Variants in SORCS3 observed in about 807,000 individuals in gnomAD.
The protein encoded by SORCS3 is VPS10 domain-containing receptor SorCS3.
A neutral mutation model predicts 146.3 loss-of-function variants in SORCS3; 57 were observed. The observed-to-expected ratio is 0.39, with a 90% CI of 0.31 to 0.49. The LOEUF is 0.49. Among genes scored for constraint, SORCS3 ranks in the 20% least tolerant of loss-of-function variants. The pLI, the probability that SORCS3 is intolerant of heterozygous loss-of-function variation, is 0.92. For missense variants in SORCS3, 1,341 were observed against 1,575.5 expected, an observed-to-expected ratio of 0.85 and a Z score of 2.52; for synonymous variants, 653 against 618.5, an observed-to-expected ratio of 1.06 and a Z score of -0.83.
At chr10:104,812,435 A>G (rs1389546217) in intron 1 of SORCS3, among the ~76,000 whole-genome samples, 1 of 152,234 alleles carries the variant, frequency 6.6e-6, no homozygotes, top group Non-Finnish European at 1.5e-5. Flanking sequence ...GTATTATTTC[A>G]GTTAAAGCAA....
At chr10:105,253,892 C>T (rs555372253) in intron 23 of SORCS3, among the ~76,000 whole-genome samples, 11 of 152,178 alleles carry the variant, frequency 7.2e-5, no homozygotes, top group East Asian at 1.9e-4. Flanking sequence ...TTTTACAAGA[C>T]CTCTTTATTC....
chr10:104,918,883 G>T (rs907020939), intron 3 of SORCS3, among the ~76,000 whole-genome samples: 1 of 152,230 alleles, frequency 6.6e-6, no homozygotes, highest in Non-Finnish European at 1.5e-5. Context: ...TAAGTGGCTC[G>T]TGAAGGTTTG....
At chr10:104,650,092 G>A (rs1408134214) in intron 1 of SORCS3, among the ~76,000 whole-genome samples, 1 of 152,158 alleles carries the variant, frequency 6.6e-6, no homozygotes, top group Admixed American at 6.5e-5. Flanking sequence ...TGTGAAATGG[G>A]CATATCACAT....
At chr10:104,755,059 G>A (rs1308162538) in intron 1 of SORCS3, among the ~76,000 whole-genome samples, 2 of 152,172 alleles carry the variant, frequency 1.3e-5, no homozygotes, top group African/African-American at 4.8e-5. Context: ...TGCATTACCG[G>A]TGAATTCCTT....
chr10:104,996,951 T>G (rs536143987), intron 4 of SORCS3, among the ~76,000 whole-genome samples: 2 of 152,222 alleles, frequency 1.3e-5, no homozygotes, highest in Admixed American at 6.5e-5. Flanking sequence ...GTGTGGATGT[T>G]GAGAAGAGTG....
At chr10:104,924,835 A>AT (rs1175903115) in intron 3 of SORCS3, among the ~76,000 whole-genome samples, 2 of 152,110 alleles carry the variant, frequency 1.3e-5, no homozygotes, top group South Asian at 2.1e-4. Flanking sequence ...GGTTGTTAGC[A>AT]TTTTTTTATG....
At chr10:105,179,299 C>T (rs968829524) in intron 14 of SORCS3, among the ~76,000 whole-genome samples, 1 of 152,146 alleles carries the variant, frequency 6.6e-6, no homozygotes, top group African/African-American at 2.4e-5. Flanking sequence ...TTCATCTAAT[C>T]TTAAATGGTA....
chr10:104,901,494 G>A (rs1243029738), intron 2 of SORCS3, among the ~76,000 whole-genome samples: 7 of 152,104 alleles, frequency 4.6e-5, no homozygotes, highest in Admixed American at 4.6e-4. Context: ...ATGTATCAGG[G>A]AGTGTGCACT....
intron 1 of SORCS3, among the ~76,000 whole-genome samples, chr10:104,752,690 G>A (rs775582393): frequency 6.6e-6 from 1 of 152,114 alleles, no homozygotes; most frequent in African/African-American, 2.4e-5. Context: ...ATCAGCGCTT[G>A]ATTCCTTTAA....
Position 105,147,776 on chromosome 10 carries a change from A to G in SORCS3, c.1462A>G (p.Ile488Val), listed in dbSNP as rs1042976962. Residue 488 changes from isoleucine (I) to valine (V), a missense_variant, in exon 9 of 27, where the codon ATC becomes GTC. Coordinates refer to ENST00000369701, the MANE Select transcript of SORCS3 (RefSeq NM_014978.3). ...IKSSRGLMGN[I>V]IIELYEVAGI... ...GAGCAGCAGAGGTCTAATGGGGAAC[A>G]TCATTATTGAATTGTATGAGGTATG... is the stretch of plus-strand genomic sequence containing the variant. The G allele has an allele frequency of 3.1e-6, 5 of 1,612,028 alleles. No homozygotes were observed. Among genetic ancestry groups the G allele is most frequent in the African/African-American group, 2.7e-5 (2 of 74,818 alleles).
intron 5 of SORCS3, among the ~76,000 whole-genome samples, chr10:105,072,904 C>T (rs1159680553): frequency 1.3e-5 from 2 of 152,086 alleles, no homozygotes; most frequent in Non-Finnish European, 2.9e-5. Context: ...TAAGCCTATG[C>T]TAAGGGTGTC....
intron 5 of SORCS3, among the ~76,000 whole-genome samples, chr10:105,064,111 T>C (rs2133720628): frequency 6.6e-6 from 1 of 152,312 alleles, no homozygotes; most frequent in East Asian, 1.9e-4. Context: ...TAGGAAACAA[T>C]GGTGGGTGAA....
intron 9 of SORCS3, 45 bp downstream of exon 9, chr10:105,147,841 T>A (rs1330630648): frequency 6.5e-7 from 1 of 1,539,608 alleles, no homozygotes; most frequent in South Asian, 1.2e-5. Flanking sequence ...TCTCTCTTTT[T>A]CCTGAGTTTT....
intron 7 of SORCS3, among the ~76,000 whole-genome samples, chr10:105,131,494 A>G (rs1224451494): frequency 6.6e-6 from 1 of 152,188 alleles, no homozygotes; most frequent in African/African-American, 2.4e-5. Flanking sequence ...AGCAACACCA[A>G]GCACTTCTGT....
At chr10:104,768,207 A>G (rs2017204610) in intron 1 of SORCS3, among the ~76,000 whole-genome samples, 1 of 152,218 alleles carries the variant, frequency 6.6e-6, no homozygotes, top group African/African-American at 2.4e-5. Flanking sequence ...ATCTAACTCC[A>G]TAGGGAAGGC....
chr10:104,662,916 C>G (rs1181140776), intron 1 of SORCS3, among the ~76,000 whole-genome samples: 2 of 152,184 alleles, frequency 1.3e-5, no homozygotes, highest in African/African-American at 4.8e-5. Context: ...GCAGTGGCAT[C>G]AATTGTCCTC....
At chr10:104,870,705 G>A (rs2018510515) in intron 2 of SORCS3, among the ~76,000 whole-genome samples, 1 of 152,162 alleles carries the variant, frequency 6.6e-6, no homozygotes, top group East Asian at 1.9e-4. Context: ...GAGCCTGGCT[G>A]TGATACGGTC....
At chr10:104,644,606 T>A (rs188497324) in intron 1 of SORCS3, among the ~76,000 whole-genome samples, 1 of 152,186 alleles carries the variant, frequency 6.6e-6, no homozygotes, top group Non-Finnish European at 1.5e-5. Context: ...TCCTTCATCA[T>A]TGGTTTCAAA....
intron 2 of SORCS3, among the ~76,000 whole-genome samples, chr10:104,876,251 A>G (rs758998660): frequency 5.3e-5 from 8 of 152,170 alleles, no homozygotes; most frequent in Non-Finnish European, 1.0e-4. Context: ...TTTGTGTTGG[A>G]TAAACGTGTC....
Sources: gnomAD v4.1 joint callset for allele counts (sites outside exome capture counted in the v4.1 genomes callset) on GRCh38, gnomAD v4.1.1 for gene constraint, MANE v1.5 for transcripts, NCBI Gene and HGNC (gene_info 2026-07-23, HGNC 2026-07-21) for gene names.